Variants in WARS2 observed in about 807,000 individuals in gnomAD.
WARS2 encodes the protein tryptophanyl tRNA synthetase 2, mitochondrial, also known as tryptophan--tRNA ligase, mitochondrial.
A neutral mutation model predicts 36.5 loss-of-function variants in WARS2; 28 were observed. The ratio of observed to expected loss-of-function variants is 0.77; its 90% CI spans 0.57 to 1.05. The LOEUF is 1.05. Among genes scored for constraint, WARS2 ranks in the 50% least tolerant of loss-of-function variants. WARS2 has a pLI of 0.00. For missense variants in WARS2, 435 were observed against 456.8 expected (o/e 0.95, Z 0.44); for synonymous variants, 174 against 178.4 (o/e 0.98, Z 0.20).
intron 1 of WARS2, among the ~76,000 whole-genome samples, chr1:119,088,544 G>A (rs1011831399): frequency 2.0e-5 from 3 of 151,968 alleles, no homozygotes; most frequent in African/African-American, 7.3e-5. Flanking sequence ...AATCTCTAAT[G>A]CAATGATTTA....
intron 2 of WARS2, among the ~76,000 whole-genome samples, chr1:119,060,137 A>G (rs79013086): frequency 2.4e-4 from 37 of 152,348 alleles, no homozygotes; most frequent in African/African-American, 8.9e-4. Flanking sequence ...TCCAATCTAA[A>G]AACAAGGCTT....
chr1:119,105,259 T>C (rs1374586068), intron 1 of WARS2, among the ~76,000 whole-genome samples: 1 of 152,196 alleles, frequency 6.6e-6, no homozygotes, highest in Non-Finnish European at 1.5e-5. Flanking sequence ...GACCATTTTC[T>C]GTGATGGGAC....
chr1:119,052,524 CTT>C lies in WARS2; in HGVS notation c.349-6864_349-6863del, dbSNP rs1181513102. On this transcript the variant is annotated intron_variant, in intron 2 of 5. Coordinates refer to ENST00000235521, the MANE Select transcript of WARS2 (RefSeq NM_015836.4). Reference sequence around the variant, plus strand: ...AACTGGTCTTCCCCCACTCAGTACTCTTGTTTGCCAATAAACATCTGTCTGTA... The same window carrying C: ...AACTGGTCTTCCCCCACTCAGTACTCGTTTGCCAATAAACATCTGTCTGTA... Among the ~76,000 whole-genome samples, 8 of 152,290 alleles carry C rather than the reference CTT, an allele frequency of 5.3e-5. No individual in the cohort carries two copies. The East Asian group carries it at 1.3e-3, about 26-fold the overall frequency.
chr1:119,137,054 G>C (rs1003111130), intron 1 of WARS2, among the ~76,000 whole-genome samples: 1 of 152,192 alleles, frequency 6.6e-6, no homozygotes, highest in Admixed American at 6.5e-5. Context: ...AGACATGAAA[G>C]CTAAATGCAT....
chr1:119,049,188 G>A (rs368268259), intron 2 of WARS2, among the ~76,000 whole-genome samples: 3 of 152,320 alleles, frequency 2.0e-5, no homozygotes, highest in South Asian at 2.1e-4. Flanking sequence ...TGAAACACGG[G>A]CAGCACACCA....
chr1:119,088,386 C>T (rs1044399454), intron 1 of WARS2, among the ~76,000 whole-genome samples: 1 of 151,612 alleles, frequency 6.6e-6, no homozygotes, highest in Non-Finnish European at 1.5e-5. Context: ...TCTAAGCCAA[C>T]TGCTACATAA....
intron 2 of WARS2, among the ~76,000 whole-genome samples, chr1:119,049,494 T>G (rs183212581): frequency 1.3e-5 from 2 of 152,224 alleles, no homozygotes; most frequent in African/African-American, 4.8e-5. Flanking sequence ...AAAATATGTA[T>G]AGTTGATGCC....
intron 1 of WARS2, among the ~76,000 whole-genome samples, chr1:119,101,737 A>T (rs969197507): frequency 6.6e-6 from 1 of 152,282 alleles, no homozygotes; most frequent in African/African-American, 2.4e-5. Context: ...ACTATCTCAA[A>T]GTTACTGGAA....
At chr1:119,075,276 A>ATTG (rs1651641933) in intron 2 of WARS2, among the ~76,000 whole-genome samples, 1 of 152,206 alleles carries the variant, frequency 6.6e-6, no homozygotes, top group Admixed American at 6.5e-5. Context: ...CATAGCATTT[A>ATTG]TATTGTATTA....
intron 1 of WARS2, among the ~76,000 whole-genome samples, chr1:119,110,559 T>A (rs985470952): frequency 2.6e-5 from 4 of 151,948 alleles, no homozygotes; most frequent in African/African-American, 4.8e-5. Context: ...ACTTTTTTTT[T>A]AATATTTGAT....
intron 4 of WARS2, among the ~76,000 whole-genome samples, chr1:119,041,258 A>G (rs1423193090): frequency 6.6e-6 from 1 of 152,224 alleles, no homozygotes; most frequent in African/African-American, 2.4e-5. Flanking sequence ...AGAAGCTTTC[A>G]CAGTAGCATG....
At chr1:119,056,092 C>A (rs906824180) in intron 2 of WARS2, among the ~76,000 whole-genome samples, 1 of 149,126 alleles carries the variant, frequency 6.7e-6, no homozygotes, top group Non-Finnish European at 1.5e-5. Context: ...GACCTTGGCT[C>A]ACTGCAGCCT....
chr1:119,043,634 G>A (rs1341819607), intron 3 of WARS2, among the ~76,000 whole-genome samples: 2 of 152,152 alleles, frequency 1.3e-5, no homozygotes, highest in Non-Finnish European at 2.9e-5. Context: ...CATGATAAAG[G>A]CTAGTTCACA....
At chr1:119,129,553 C>CA (rs1326771086) in intron 1 of WARS2, among the ~76,000 whole-genome samples, 3 of 151,582 alleles carry the variant, frequency 2.0e-5, no homozygotes, top group African/African-American at 7.3e-5. Context: ...TAATAAAAAA[C>CA]AAAAAAATCA....
intron 1 of WARS2, among the ~76,000 whole-genome samples, chr1:119,086,450 C>A (rs1652674576): frequency 6.6e-6 from 1 of 151,946 alleles, no homozygotes; most frequent in African/African-American, 2.4e-5. Flanking sequence ...TACCCTTTTT[C>A]AAATATAATA....
intron 1 of WARS2, among the ~76,000 whole-genome samples, chr1:119,121,291 C>A (rs890646333): frequency 2.6e-5 from 4 of 151,996 alleles, no homozygotes; most frequent in Admixed American, 6.6e-5. Context: ...ACCCCTTTTA[C>A]AACAGCTGCA....
chr1:119,136,594 T>C (rs763261945), intron 1 of WARS2, among the ~76,000 whole-genome samples: 65 of 152,364 alleles, frequency 4.3e-4, no homozygotes, highest in South Asian at 1.2e-3. Context: ...ATGATTGTAG[T>C]AGCTCTTGAA....
intron 2 of WARS2, among the ~76,000 whole-genome samples, chr1:119,058,250 C>G (rs1033398903): frequency 5.9e-5 from 9 of 151,960 alleles, no homozygotes; most frequent in African/African-American, 2.2e-4. Context: ...TGCTTTGAAC[C>G]CTTCATTGAA....
intron 1 of WARS2, among the ~76,000 whole-genome samples, chr1:119,134,421 G>A (rs1656349466): frequency 6.6e-6 from 1 of 151,112 alleles, no homozygotes; most frequent in Admixed American, 6.6e-5. Flanking sequence ...AAATGGAGCA[G>A]TAGCTCTAGA....
Sources: allele counts gnomAD v4.1 joint callset (sites outside exome capture counted in the v4.1 genomes callset), GRCh38; gene constraint gnomAD v4.1.1; transcripts MANE v1.5; gene names NCBI Gene and HGNC (gene_info 2026-07-23, HGNC 2026-07-21).